The following C11orf65 variants were observed in gnomAD, a reference collection of about 807,000 sequenced individuals.
The protein encoded by C11orf65 is chromosome 11 open reading frame 65, also known as protein MFI.
In C11orf65, 38 loss-of-function variants were observed where a neutral mutation model predicts 35.3. The observed-to-expected ratio is 1.08, with a 90% CI of 0.83 to 1.41. The LOEUF is 1.41. C11orf65 is among the 40% of genes most tolerant of loss of function. The probability of loss-of-function intolerance (pLI) is 0.00; values close to 1 mark genes in which losing one functional copy is unlikely to be tolerated. For synonymous variants in C11orf65, 105 were observed against 114.4 expected, an observed-to-expected ratio of 0.92 and a Z score of 0.53; for missense variants, 370 against 367.1, an observed-to-expected ratio of 1.01 and a Z score of -0.06.
chr11:108,413,928 G>A (rs573391112), intron 3 of C11orf65, among the ~76,000 whole-genome samples: 1 of 152,076 alleles, frequency 6.6e-6, no homozygotes, highest in East Asian at 1.9e-4. Flanking sequence ...GAGCTTACAG[G>A]AAAATTTATA....
intron 2 of C11orf65, among the ~76,000 whole-genome samples, chr11:108,339,803 G>C (rs2087303697): frequency 6.6e-6 from 1 of 152,112 alleles, no homozygotes; most frequent in Non-Finnish European, 1.5e-5. Flanking sequence ...TTTAGACAGA[G>C]TACACTACAC....
chr11:108,312,318 A>G (rs2084233520), intron 6 of C11orf65: 1 of 920,334 alleles, frequency 1.1e-6, no homozygotes, highest in Admixed American at 1.8e-5. Context: ...TGCCACCTTC[A>G]TTAGTTTTTT....
At chr11:108,314,578 T>C (rs1211710392) in intron 6 of C11orf65, among the ~76,000 whole-genome samples, 2 of 152,152 alleles carry the variant, frequency 1.3e-5, no homozygotes, top group East Asian at 3.9e-4. Flanking sequence ...ACCAGTCTAC[T>C]GTGTTGCTGA....
Position 108,365,079 on chromosome 11 carries a change from T to G in C11orf65, c.226+28129A>C, listed in dbSNP as rs748874219. 4.0e-5 allele frequency: 65 copies of G among 1,613,896 alleles called. No individual in the cohort carries two copies. The highest frequency in any genetic ancestry group is 5.0e-5 in the Non-Finnish European group (59 of 1,179,866). The stretch of plus-strand genomic sequence containing the variant: ...TTTTAATACATATGTTCTCTCTGTT[T>G]AGGTCCTTCTATATGATCCACTCTT... On this transcript the variant is annotated intron_variant, in intron 2 of 3. Coordinates refer to the C11orf65 transcript ENST00000524755.
intron 3 of C11orf65, among the ~76,000 whole-genome samples, chr11:108,424,047 C>A (rs2092862456): frequency 6.6e-6 from 1 of 152,086 alleles, no homozygotes; most frequent in Non-Finnish European, 1.5e-5. Context: ...CTAAACTGGA[C>A]AGAGAATGAG....
chr11:108,445,995 A>C (rs2093250101), intron 2 of C11orf65, among the ~76,000 whole-genome samples: 1 of 152,216 alleles, frequency 6.6e-6, no homozygotes, highest in Non-Finnish European at 1.5e-5. Context: ...TCAGGAGCCG[A>C]CGCGATCAAC....
intron 2 of C11orf65, among the ~76,000 whole-genome samples, chr11:108,376,830 C>T (rs1335160276): frequency 1.3e-5 from 2 of 150,730 alleles, no homozygotes; most frequent in Non-Finnish European, 3.0e-5. Context: ...TACAAACTAC[C>T]ATCAGAGAAT....
chr11:108,467,262 T>A (rs186071526), intron 1 of C11orf65, among the ~76,000 whole-genome samples: 37 of 152,214 alleles, frequency 2.4e-4, no homozygotes, highest in African/African-American at 8.4e-4. Flanking sequence ...AGGAAGGGGT[T>A]ACTCCCGGGC....
intron 2 of C11orf65, among the ~76,000 whole-genome samples, chr11:108,363,546 G>A (rs146587855): frequency 1.2e-4 from 18 of 152,290 alleles, no homozygotes; most frequent in Admixed American, 3.3e-4. Context: ...AATTGGGGAT[G>A]GGAGATGAGG....
intron 2 of C11orf65, among the ~76,000 whole-genome samples, chr11:108,370,581 G>A (rs2091537204): frequency 7.1e-6 from 1 of 139,974 alleles, no homozygotes; most frequent in Non-Finnish European, 1.6e-5. Context: ...AAGTGTAAGT[G>A]TTTACCTTTA....
chr11:108,433,915 G>A (rs2093028984), intron 2 of C11orf65, among the ~76,000 whole-genome samples: 1 of 152,188 alleles, frequency 6.6e-6, no homozygotes, highest in Non-Finnish European at 1.5e-5. Context: ...ATCTATAGAT[G>A]GATGGTGATT....
At chr11:108,357,276 G>C (rs1288655658) in intron 2 of C11orf65, among the ~76,000 whole-genome samples, 3 of 152,226 alleles carry the variant, frequency 2.0e-5, no homozygotes, top group Non-Finnish European at 2.9e-5. Flanking sequence ...ATATCCCGCA[G>C]CTGGCTTGGA....
chr11:108,316,222 G>C, intron 6 of C11orf65: 1 of 1,044,874 alleles, frequency 9.6e-7, no homozygotes, highest in Admixed American at 2.0e-5. Context: ...GATAAGACTA[G>C]AACTTATCTG....
chr11:108,390,246 G>A (rs900674794), intron 7 of C11orf65, among the ~76,000 whole-genome samples: 4 of 151,662 alleles, frequency 2.6e-5, no homozygotes, highest in South Asian at 2.1e-4. Context: ...GGATAGTCTC[G>A]ATCTCCCGAC....
At chr11:108,327,899 G>T (rs888793136), downstream of C11orf65, 17 of 750,718 alleles carry the variant, frequency 2.3e-5, no homozygotes, top group Non-Finnish European at 4.4e-6. Context: ...GCTCTGTATA[G>T]TCTCTAGGGT....
chr11:108,321,264 CTTT>C, intron 6 of C11orf65: 2 of 1,610,002 alleles, frequency 1.2e-6, no homozygotes, highest in Non-Finnish European at 1.7e-6. Context: ...AAAACCTCTT[CTTT>C]ATTTTCAGAG....
At chr11:108,334,258 T>C (rs917867120) in intron 3 of C11orf65, among the ~76,000 whole-genome samples, 2 of 152,204 alleles carry the variant, frequency 1.3e-5, no homozygotes, top group African/African-American at 2.4e-5. Context: ...CGTGTGCTTA[T>C]GCCAAGATTA....
intron 2 of C11orf65, among the ~76,000 whole-genome samples, chr11:108,455,837 A>AAAAAAAAAAG: frequency 6.7e-6 from 1 of 149,018 alleles, no homozygotes; most frequent in African/African-American, 2.5e-5. Flanking sequence ...AAAAAAAAAA[A>AAAAAAAAAAG]AAACATGGAG....
At chr11:108,436,614 A>G (rs962943129) in intron 2 of C11orf65, among the ~76,000 whole-genome samples, 1 of 152,188 alleles carries the variant, frequency 6.6e-6, no homozygotes, top group Admixed American at 6.5e-5. Context: ...GGGTTATTCT[A>G]TTGTCAACTT....
Sources: gnomAD v4.1 joint callset for allele counts (sites outside exome capture counted in the v4.1 genomes callset) on GRCh38, gnomAD v4.1.1 for gene constraint, MANE v1.5 for transcripts, NCBI Gene and HGNC (gene_info 2026-07-23, HGNC 2026-07-21) for gene names.